DLG2: variants seen among roughly 807,000 people sequenced by gnomAD.
DLG2 encodes the protein discs large MAGUK scaffold protein 2, also known as disks large homolog 2.
Under a neutral mutation model 132.5 loss-of-function variants are expected in DLG2, and 45 were observed. The ratio of observed to expected loss-of-function variants is 0.34; its 90% confidence interval spans 0.27 to 0.44. The LOEUF (loss-of-function observed/expected upper bound fraction) is 0.44. DLG2 is among the 20% of genes least tolerant of loss of function. The pLI, the probability that DLG2 is intolerant of heterozygous loss-of-function variation, is 1.00. For missense variants in DLG2, 1,045 were observed against 1,196.9 expected, an observed-to-expected ratio of 0.87 and a Z score of 1.87; for synonymous variants, 424 against 419.6, an observed-to-expected ratio of 1.01 and a Z score of -0.13.
intron 17 of DLG2, chr11:83,790,997 C>G (rs1166612095): frequency 7.5e-6 from 6 of 801,804 alleles, no homozygotes; most frequent in Non-Finnish European, 1.0e-5. Flanking sequence ...TCTGAGAAGC[C>G]GAGCTTTTCA....
At chr11:83,798,872 A>G (rs2050128120) in intron 17 of DLG2, among the ~76,000 whole-genome samples, 1 of 152,236 alleles carries the variant, frequency 6.6e-6, no homozygotes, top group Non-Finnish European at 1.5e-5. Context: ...GATGCAACGA[A>G]GTGAAAATGT....
chr11:84,107,448 C>T (rs2093041448), intron 9 of DLG2, among the ~76,000 whole-genome samples: 1 of 150,436 alleles, frequency 6.6e-6, no homozygotes, highest in Admixed American at 6.7e-5. Flanking sequence ...ATTAATAGTG[C>T]TTTGTAGATC....
At chr11:85,002,824 C>T (rs373672739) in intron 6 of DLG2, among the ~76,000 whole-genome samples, 2 of 151,902 alleles carry the variant, frequency 1.3e-5, no homozygotes, top group South Asian at 2.1e-4. Context: ...ATAGCAAGAC[C>T]GACCTTCCTT....
chr11:83,750,505 A>G (rs1416835176), intron 18 of DLG2, among the ~76,000 whole-genome samples: 1 of 152,212 alleles, frequency 6.6e-6, no homozygotes, highest in African/African-American at 2.4e-5. Context: ...CTGAGGTGCC[A>G]TAGAAGCAAT....
In DLG2 at chr11:83,950,468, C is replaced by A. The variant is rs143255909; in HGVS notation, c.1340+12417G>T. ...GATTAGCTGGGCATGGTGGTGCATGCCTGTAATCCTAGCTACTTGGGAGGC... is the reference window on the plus strand; with the variant it reads ...GATTAGCTGGGCATGGTGGTGCATGACTGTAATCCTAGCTACTTGGGAGGC... On this transcript the variant is annotated intron_variant, in intron 14 of 27. Coordinates refer to ENST00000376104, the MANE Select transcript of DLG2 (RefSeq NM_001142699.3). Among the ~76,000 whole-genome samples, 377 of 152,280 alleles carry A rather than the reference C, an allele frequency of 2.5e-3. 1 individual carries two copies. The highest frequency in any genetic ancestry group is 8.7e-3 in the African/African-American group (363 of 41,544).
chr11:83,873,009 A>G (rs1303225886), intron 16 of DLG2, among the ~76,000 whole-genome samples: 4 of 152,078 alleles, frequency 2.6e-5, no homozygotes, highest in African/African-American at 9.7e-5. Context: ...CTAGTTCTTC[A>G]TTATTTTTTT....
At chr11:85,172,519 G>A (rs1036488449) in intron 4 of DLG2, among the ~76,000 whole-genome samples, 1 of 152,216 alleles carries the variant, frequency 6.6e-6, no homozygotes, top group African/African-American at 2.4e-5. Flanking sequence ...CAGAATCAAT[G>A]CAAAAATGCT....
chr11:83,913,761 C>T (rs2076462715), intron 15 of DLG2, among the ~76,000 whole-genome samples: 1 of 152,048 alleles, frequency 6.6e-6, no homozygotes, highest in South Asian at 2.1e-4. Flanking sequence ...AAGCAAGGAC[C>T]TCAAAGAAAG....
chr11:83,644,786 C>G (rs960729790), intron 18 of DLG2, among the ~76,000 whole-genome samples: 1 of 151,956 alleles, frequency 6.6e-6, no homozygotes, highest in Admixed American at 6.6e-5. Flanking sequence ...TAATTTTTGG[C>G]AAAGGATCTA....
intron 21 of DLG2, among the ~76,000 whole-genome samples, chr11:83,499,591 T>C (rs908066856): frequency 3.3e-5 from 5 of 151,372 alleles, no homozygotes; most frequent in African/African-American, 1.2e-4. Context: ...TTGCTTTTTT[T>C]TTCCCTTTCA....
At chr11:85,100,563 T>A (rs1213964624) in intron 6 of DLG2, among the ~76,000 whole-genome samples, 3 of 152,038 alleles carry the variant, frequency 2.0e-5, no homozygotes, top group African/African-American at 7.3e-5. Flanking sequence ...AGAACAAAGA[T>A]TTATCTACAC....
At chr11:83,488,849 C>CTTAT (rs2093677743) in intron 21 of DLG2, among the ~76,000 whole-genome samples, 1 of 151,900 alleles carries the variant, frequency 6.6e-6, no homozygotes, top group African/African-American at 2.4e-5. Context: ...TTATACAAAT[C>CTTAT]TTATTTTCAC....
chr11:84,262,136 T>C (rs1395839199), intron 7 of DLG2, among the ~76,000 whole-genome samples: 1 of 152,146 alleles, frequency 6.6e-6, no homozygotes, highest in East Asian at 1.9e-4. Context: ...ATAAGGAAAG[T>C]GAGGCATGGA....
intron 10 of DLG2, among the ~76,000 whole-genome samples, chr11:84,079,974 G>A (rs184561756): frequency 7.2e-4 from 109 of 152,266 alleles, no homozygotes; most frequent in Middle Eastern, 3.4e-3. Context: ...CTTCCCCTGA[G>A]TATCTTAGGC....
chr11:84,703,857 G>GATATATATGTGTGTGTAT (rs1555174774), intron 6 of DLG2, among the ~76,000 whole-genome samples: 2 of 102,694 alleles, frequency 1.9e-5, no homozygotes, highest in African/African-American at 8.2e-5. Context: ...ATGTAGTGAA[G>GATATATATGTGTGTGTAT]ATATATATAT....
chr11:85,067,227 T>C (rs969444723), intron 6 of DLG2, among the ~76,000 whole-genome samples: 4 of 151,900 alleles, frequency 2.6e-5, no homozygotes, highest in African/African-American at 4.8e-5. Context: ...TATTTGATTC[T>C]TCTCTCCTTT....
intron 24 of DLG2, among the ~76,000 whole-genome samples, chr11:83,469,877 T>C (rs2091788302): frequency 6.6e-6 from 1 of 152,138 alleles, no homozygotes; most frequent in Non-Finnish European, 1.5e-5. Flanking sequence ...CTTAACATTC[T>C]ATAAAGGACC....
In DLG2 at chr11:85,446,993, G is replaced by T. The variant is rs566233248; in HGVS notation, c.40+151664C>A. On this transcript the variant is annotated intron_variant, in intron 3 of 27. Coordinates refer to ENST00000376104, the MANE Select transcript of DLG2 (RefSeq NM_001142699.3). ...GGCAATTTTACGTTATTTAAAAAGA[G>T]AAAGGCAACACAGTGTGCATTGGTC... 3.1e-4 allele frequency among the ~76,000 whole-genome samples: 47 copies of T among 152,172 alleles called. 1 individual carries two copies. The South Asian group carries it at 8.7e-3, about 28-fold the overall frequency.
intron 6 of DLG2, among the ~76,000 whole-genome samples, chr11:84,571,079 C>T (rs555466200): frequency 1.3e-5 from 2 of 152,192 alleles, no homozygotes; most frequent in South Asian, 4.1e-4. Flanking sequence ...TTCCTACTGA[C>T]CACACATACC....
Sources: gnomAD v4.1 joint callset for allele counts (sites outside exome capture counted in the v4.1 genomes callset) on GRCh38, gnomAD v4.1.1 for gene constraint, MANE v1.5 for transcripts, NCBI Gene and HGNC (gene_info 2026-07-23, HGNC 2026-07-21) for gene names.